SLIT2: variants seen among roughly 807,000 people sequenced by gnomAD.
SLIT2 encodes slit guidance ligand 2.
Under a neutral mutation model 185.7 loss-of-function variants are expected in SLIT2, and 41 were observed. The ratio of observed to expected loss-of-function variants is 0.22; its 90% CI spans 0.17 to 0.29. The LOEUF (loss-of-function observed/expected upper bound fraction) is 0.29, where lower values mean the gene tolerates loss of function less well. SLIT2 is among the 10% of genes least tolerant of loss of function. The probability of loss-of-function intolerance (pLI) is 1.00; values close to 1 mark genes in which losing one functional copy is unlikely to be tolerated. For synonymous variants in SLIT2, 693 were observed against 680.2 expected (o/e 1.02, Z -0.29); for missense variants, 1,571 against 1,909.0 (o/e 0.82, Z 3.30).
At chr4:20,337,201 T>C (rs1720579335) in intron 4 of SLIT2, among the ~76,000 whole-genome samples, 1 of 152,186 alleles carries the variant, frequency 6.6e-6, no homozygotes, top group Non-Finnish European at 1.5e-5. Context: ...AAGGGTTTAA[T>C]GGACTTACAG....
intron 5 of SLIT2, among the ~76,000 whole-genome samples, chr4:20,468,331 C>T (rs1018890857): frequency 1.3e-5 from 2 of 151,960 alleles, no homozygotes; most frequent in Admixed American, 1.3e-4. Flanking sequence ...ACAGCTTTTT[C>T]CAGAGTTTTA....
intron 4 of SLIT2, among the ~76,000 whole-genome samples, chr4:20,410,124 C>T (rs955667673): frequency 7.9e-5 from 12 of 151,500 alleles, no homozygotes; most frequent in Admixed American, 2.6e-4. Flanking sequence ...TTGGCATCTT[C>T]GTCATGAAAT....
At chr4:20,475,250 A>T (rs191743771) in intron 5 of SLIT2, among the ~76,000 whole-genome samples, 21 of 151,610 alleles carry the variant, frequency 1.4e-4, no homozygotes, top group African/African-American at 5.1e-4. Context: ...TTACCTCCAT[A>T]GGAAATACCC....
chr4:20,288,189 G>A (rs1261022389), intron 4 of SLIT2, among the ~76,000 whole-genome samples: 3 of 152,224 alleles, frequency 2.0e-5, no homozygotes, highest in Non-Finnish European at 2.9e-5. Flanking sequence ...AAAACAGTGT[G>A]TGAGTCAGCA....
chr4:20,450,932 G>A (rs1008975424), intron 4 of SLIT2, among the ~76,000 whole-genome samples: 2 of 152,108 alleles, frequency 1.3e-5, no homozygotes, highest in African/African-American at 2.4e-5. Context: ...AAAAGAAAAA[G>A]GAGACCCTAA....
intron 30 of SLIT2, among the ~76,000 whole-genome samples, chr4:20,590,310 GCTTA>G (rs1209824317): frequency 6.6e-6 from 1 of 152,130 alleles, no homozygotes; most frequent in Non-Finnish European, 1.5e-5. Flanking sequence ...CTTTGAAAAT[GCTTA>G]CTTAAATTTA....
At chr4:20,508,890 A>G (rs991735025) in intron 9 of SLIT2, among the ~76,000 whole-genome samples, 1 of 152,046 alleles carries the variant, frequency 6.6e-6, no homozygotes, top group Non-Finnish European at 1.5e-5. Context: ...GAACCCTGAT[A>G]CTGTTGAAGA....
intron 4 of SLIT2, among the ~76,000 whole-genome samples, chr4:20,334,504 A>G (rs1300031550): frequency 6.6e-6 from 1 of 152,178 alleles, no homozygotes; most frequent in Non-Finnish European, 1.5e-5. Context: ...TAGGAGAGAT[A>G]TCTGCCCTTA....
At chr4:20,592,130 G>A (rs1211520644) in intron 30 of SLIT2, among the ~76,000 whole-genome samples, 1 of 152,120 alleles carries the variant, frequency 6.6e-6, no homozygotes, top group Non-Finnish European at 1.5e-5. Context: ...ATTCTGTGAA[G>A]CTGCTAAAGA....
intron 9 of SLIT2, among the ~76,000 whole-genome samples, chr4:20,500,130 TCA>T (rs1718585743): frequency 6.6e-6 from 1 of 152,186 alleles, no homozygotes; most frequent in Non-Finnish European, 1.5e-5. Flanking sequence ...AAAGAAATAG[TCA>T]ATATTCTGAG....
At chr4:20,262,311 A>G (rs979183367) in intron 3 of SLIT2, among the ~76,000 whole-genome samples, 1 of 151,774 alleles carries the variant, frequency 6.6e-6, no homozygotes, top group African/African-American at 2.4e-5. Context: ...CTGAGGAAGT[A>G]TGATGTTGGT....
chr4:20,335,019 G>C (rs1720379720), intron 4 of SLIT2, among the ~76,000 whole-genome samples: 1 of 152,156 alleles, frequency 6.6e-6, no homozygotes, highest in African/African-American at 2.4e-5. Context: ...TTAAATACTA[G>C]AACTTTCATC....
intron 9 of SLIT2, among the ~76,000 whole-genome samples, chr4:20,499,018 A>G (rs1718472878): frequency 6.6e-6 from 1 of 152,188 alleles, no homozygotes; most frequent in Non-Finnish European, 1.5e-5. Context: ...TGAATGTTGA[A>G]CTAACTTGCA....
chr4:20,417,457 T>TATATATATAC (rs919072867), intron 4 of SLIT2, among the ~76,000 whole-genome samples: 4 of 145,014 alleles, frequency 2.8e-5, no homozygotes, highest in African/African-American at 1.0e-4. Flanking sequence ...TATATATATA[T>TATATATATAC]ACGTATATAT....
chr4:20,345,772 G>C (rs774227002), intron 4 of SLIT2, among the ~76,000 whole-genome samples: 34 of 151,822 alleles, frequency 2.2e-4, no homozygotes, highest in Non-Finnish European at 3.5e-4. Context: ...CTGACCTCAT[G>C]ATCCACCCAC....
chr4:20,411,275 A>G (rs376873490), intron 4 of SLIT2, among the ~76,000 whole-genome samples: 1 of 152,224 alleles, frequency 6.6e-6, no homozygotes, highest in Non-Finnish European at 1.5e-5. Context: ...TTAATTAACT[A>G]GCAATATTAG....
chr4:20,252,051 C>A lies in SLIT2; in HGVS notation c.-1765C>A, dbSNP rs921271508. ...AGGCAGCTGCGAGGCATGGGAGCGCCGAAGCGCCCAGGCGCAGGCCGAAGC... is the reference window on the plus strand; with the variant it reads ...AGGCAGCTGCGAGGCATGGGAGCGCAGAAGCGCCCAGGCGCAGGCCGAAGC... On this transcript the variant is annotated 5_prime_UTR_variant, in exon 1 of 37. Coordinates refer to ENST00000504154, the MANE Select transcript of SLIT2 (RefSeq NM_004787.4). Among the ~76,000 whole-genome samples, 1 of 152,122 alleles carries A rather than the reference C, an allele frequency of 6.6e-6. No individual in the cohort carries two copies. The highest frequency in any genetic ancestry group is 2.1e-4 in the South Asian group (1 of 4,828).
chr4:20,339,981 A>G (rs182203384), intron 4 of SLIT2, among the ~76,000 whole-genome samples: 1 of 152,318 alleles, frequency 6.6e-6, no homozygotes, highest in East Asian at 1.9e-4. Flanking sequence ...TTCATAGTTC[A>G]TTACTAATCC....
intron 4 of SLIT2, among the ~76,000 whole-genome samples, chr4:20,363,346 T>C (rs1722882253): frequency 6.6e-6 from 1 of 152,144 alleles, no homozygotes; most frequent in African/African-American, 2.4e-5. Flanking sequence ...TCCACAGATA[T>C]AAACTATAGT....
Sources: gnomAD v4.1 joint callset for allele counts (sites outside exome capture counted in the v4.1 genomes callset) on GRCh38, gnomAD v4.1.1 for gene constraint, MANE v1.5 for transcripts, NCBI Gene and HGNC (gene_info 2026-07-23, HGNC 2026-07-21) for gene names.